AGBL1: variants seen among roughly 807,000 people sequenced by gnomAD.
AGBL1 encodes the protein AGBL carboxypeptidase 1, also known as cytosolic carboxypeptidase 4.
Under a neutral mutation model 118.9 loss-of-function variants are expected in AGBL1, and 130 were observed. The observed-to-expected ratio is 1.09, with a 90% CI of 0.95 to 1.26. The LOEUF (loss-of-function observed/expected upper bound fraction) is 1.26, where lower values mean the gene tolerates loss of function less well. Ranked by LOEUF, AGBL1 falls within the 50% of genes most tolerant of loss-of-function variation. AGBL1 has a pLI of 0.00. For synonymous variants in AGBL1, 555 were observed against 478.9 expected, an observed-to-expected ratio of 1.16 and a Z score of -2.08; for missense variants, 1,584 against 1,298.1, an observed-to-expected ratio of 1.22 and a Z score of -3.38.
At chr15:86,884,533 C>T (rs1025464335) in intron 22 of AGBL1, among the ~76,000 whole-genome samples, 1 of 152,208 alleles carries the variant, frequency 6.6e-6, no homozygotes, top group Admixed American at 6.5e-5. Context: ...AAACTATAGG[C>T]TGGGTGCAGT....
chr15:86,632,980 AAATG>A (rs1409571701), intron 21 of AGBL1, among the ~76,000 whole-genome samples: 1 of 152,242 alleles, frequency 6.6e-6, no homozygotes, highest in Non-Finnish European at 1.5e-5. Flanking sequence ...TTTGAAGACA[AAATG>A]GATGAGAACT....
intron 1 of AGBL1, among the ~76,000 whole-genome samples, chr15:86,138,949 C>G (rs1385945905): frequency 2.0e-5 from 3 of 152,162 alleles, no homozygotes; most frequent in African/African-American, 7.2e-5. Context: ...GGGCTAGAGT[C>G]CTGAACATTC....
chr15:86,148,050 G>A (rs1272029033), intron 3 of AGBL1, among the ~76,000 whole-genome samples: 1 of 152,204 alleles, frequency 6.6e-6, no homozygotes, highest in Non-Finnish European at 1.5e-5. Flanking sequence ...CTGACTGTCA[G>A]GAGGAAAGCT....
intron 1 of AGBL1, among the ~76,000 whole-genome samples, chr15:86,105,929 A>C (rs906754664): frequency 6.6e-6 from 1 of 152,246 alleles, no homozygotes; most frequent in African/African-American, 2.4e-5. Flanking sequence ...CTGGAATTAC[A>C]CTAGTATTTC....
chr15:86,526,000 A>G (rs1246438254), intron 19 of AGBL1, among the ~76,000 whole-genome samples: 4 of 152,192 alleles, frequency 2.6e-5, no homozygotes, highest in Non-Finnish European at 5.9e-5. Flanking sequence ...TCTACAAGAA[A>G]CTCAAACAAA....
At chr15:86,790,754 A>T (rs1297634691) in intron 22 of AGBL1, among the ~76,000 whole-genome samples, 1 of 152,176 alleles carries the variant, frequency 6.6e-6, no homozygotes, top group Non-Finnish European at 1.5e-5. Flanking sequence ...CTCCTGTCAT[A>T]GACATTCACT....
At chr15:86,169,885 G>A (rs1024218989) in intron 5 of AGBL1, among the ~76,000 whole-genome samples, 2 of 152,112 alleles carry the variant, frequency 1.3e-5, no homozygotes, top group Admixed American at 1.3e-4. Flanking sequence ...TTGAATCATA[G>A]AACTACTTCC....
intron 13 of AGBL1, among the ~76,000 whole-genome samples, chr15:86,269,227 C>T (rs1158887581): frequency 6.6e-6 from 1 of 152,084 alleles, no homozygotes. Context: ...AATGAAACAA[C>T]CCCTGCATTG....
rs1272778313 is a variant in AGBL1, at chr15:86,262,886, A to G, written c.1078A>G (p.Ser360Gly). Reference protein sequence around the residue: ...YEVMCLELSYSFEELQSKLGD... With the variant: ...YEVMCLELSYGFEELQSKLGD... ...GGTGATGTGTCTTGAGCTCTCCTAT[A>G]GCTTTGAGGTAGGACATATGCTGTG... The change falls in exon 10 of 23, where the codon AGC (serine) becomes GGC (glycine). Residue 360 changes from serine to glycine, a missense_variant. By Grantham distance (56) the Ser-to-Gly change is moderately conservative (BLOSUM62 0). Transcript: ENST00000614907. The G allele has an allele frequency of 3.1e-6, 5 of 1,602,802 alleles. No homozygotes were observed. Among genetic ancestry groups the G allele is most frequent in the Non-Finnish European group, 4.3e-6 (5 of 1,173,728 alleles).
At chr15:86,151,228 C>T (rs113897328) in intron 3 of AGBL1, among the ~76,000 whole-genome samples, 19,639 of 150,800 alleles carry the variant, frequency 0.13, 1,438 homozygotes, top group Middle Eastern at 0.23. Context: ...TGCAGCGCAC[C>T]AGCATGGCAC....
chr15:86,712,784 T>G (rs1305909223), intron 22 of AGBL1, among the ~76,000 whole-genome samples: 8 of 151,834 alleles, frequency 5.3e-5, no homozygotes, highest in Non-Finnish European at 1.2e-4. Flanking sequence ...AGATGAGGAG[T>G]CTGTTTCCAG....
At chr15:86,907,063 A>G (rs1463737734) in intron 22 of AGBL1, 24 bp from the exon 23 acceptor site, 1 of 151,554 alleles carries the variant, frequency 6.6e-6, no homozygotes, top group Admixed American at 6.6e-5. Flanking sequence ...TTTCTTCTCC[A>G]TATTTCCCGG....
At chr15:86,927,162 A>AT (rs1370521362) in intron 23 of AGBL1, among the ~76,000 whole-genome samples, 2 of 151,424 alleles carry the variant, frequency 1.3e-5, no homozygotes, top group Non-Finnish European at 2.9e-5. Context: ...TAAATAAATA[A>AT]ATAATAAAAT....
chr15:86,802,546 G>A (rs1289298736), intron 22 of AGBL1, among the ~76,000 whole-genome samples: 1 of 152,040 alleles, frequency 6.6e-6, no homozygotes, highest in Non-Finnish European at 1.5e-5. Context: ...TTTTAGTCTA[G>A]CATATACTTA....
chr15:86,873,553 T>C (rs752623139), intron 22 of AGBL1, among the ~76,000 whole-genome samples: 3 of 152,124 alleles, frequency 2.0e-5, no homozygotes, highest in Non-Finnish European at 4.4e-5. Context: ...GTAGAACCTT[T>C]GGGGAGTGGG....
intron 23 of AGBL1, among the ~76,000 whole-genome samples, chr15:86,934,465 G>A (rs2080642473): frequency 6.6e-6 from 1 of 151,906 alleles, no homozygotes; most frequent in Non-Finnish European, 1.5e-5. Context: ...AAACAAGCCA[G>A]TATGTTCTGT....
intron 17 of AGBL1, among the ~76,000 whole-genome samples, chr15:86,358,379 A>C (rs2141915436): frequency 6.6e-6 from 1 of 152,180 alleles, no homozygotes; most frequent in African/African-American, 2.4e-5. Flanking sequence ...TTTAAGGCTG[A>C]ATAATATTCT....
chr15:86,081,009 G>A (rs567589866), intron 1 of AGBL1, among the ~76,000 whole-genome samples: 1 of 151,944 alleles, frequency 6.6e-6, no homozygotes, highest in Non-Finnish European at 1.5e-5. Flanking sequence ...CTTTTTCCCT[G>A]TTGGGAAAAA....
intron 22 of AGBL1, among the ~76,000 whole-genome samples, chr15:86,820,259 A>G (rs533657685): frequency 1.3e-4 from 20 of 152,342 alleles, no homozygotes; most frequent in Non-Finnish European, 2.6e-4. Context: ...AAAACACCAA[A>G]AGCAATGGCA....
Sources: allele counts gnomAD v4.1 joint callset (sites outside exome capture counted in the v4.1 genomes callset), GRCh38; gene constraint gnomAD v4.1.1; transcripts MANE v1.5; gene names NCBI Gene and HGNC (gene_info 2026-07-23, HGNC 2026-07-21).